The following CNTN1 variants were observed in gnomAD, a reference collection of about 807,000 sequenced individuals.
CNTN1 encodes the protein contactin 1.
CNTN1 carries 38 observed loss-of-function variants against 126.4 expected under a neutral mutation model. That is an observed-to-expected ratio of 0.30 (90% CI 0.23 to 0.39). The LOEUF is 0.39. Among genes scored for constraint, CNTN1 ranks in the 10% least tolerant of loss-of-function variants. The pLI, the probability that CNTN1 is intolerant of heterozygous loss-of-function variation, is 1.00. For missense variants in CNTN1, 1,009 were observed against 1,248.4 expected (o/e 0.81, Z 2.89); for synonymous variants, 413 against 422.6 (o/e 0.98, Z 0.28).
chr12:40,840,508 C>T (rs184003294), intron 1 of CNTN1, among the ~76,000 whole-genome samples: 6 of 152,120 alleles, frequency 3.9e-5, no homozygotes, highest in Admixed American at 3.9e-4. Flanking sequence ...TAGACATTTA[C>T]ACAACATTCT....
rs559332584 is a variant in CNTN1, at chr12:40,700,450, C to T, written c.-77+7858C>T. On this transcript the variant is annotated intron_variant, in intron 1 of 23. Transcript: ENST00000551295. ...CTGAGGGAGGAGAATCATTTGAACCCGGGAGGCAGAGGTTGCAGGGAGCTG... is the reference window on the plus strand; with the variant it reads ...CTGAGGGAGGAGAATCATTTGAACCTGGGAGGCAGAGGTTGCAGGGAGCTG... 4.6e-5 allele frequency among the ~76,000 whole-genome samples: 7 copies of T among 151,982 alleles called. No individual in the cohort carries two copies. The South Asian group carries it at 6.2e-4, about 14-fold the overall frequency.
chr12:41,017,414 T>G (rs998196314), intron 19 of CNTN1, among the ~76,000 whole-genome samples: 36 of 150,632 alleles, frequency 2.4e-4, no homozygotes, highest in African/African-American at 8.0e-4. Flanking sequence ...CTGTAATGTA[T>G]ATATTATATA....
intron 3 of CNTN1, among the ~76,000 whole-genome samples, chr12:40,914,637 CTT>C (rs1047144368): frequency 1.3e-5 from 2 of 152,114 alleles, no homozygotes; most frequent in African/African-American, 4.8e-5. Flanking sequence ...AGGGAAATAT[CTT>C]AACTGCAATA....
intron 4 of CNTN1, 107 bp from the exon 5 acceptor site, chr12:40,922,149 C>T: frequency 1.1e-6 from 1 of 873,280 alleles, no homozygotes; most frequent in East Asian, 2.5e-5. Flanking sequence ...TCTTAATTGT[C>T]TGACTTCACA....
chr12:40,921,060 A>C (rs1014547678), intron 4 of CNTN1, among the ~76,000 whole-genome samples: 4 of 152,194 alleles, frequency 2.6e-5, no homozygotes. Flanking sequence ...CAGGGACAAT[A>C]TTGCCATCAC....
chr12:41,024,520 G>A (rs915014423), intron 20 of CNTN1, among the ~76,000 whole-genome samples: 6 of 151,868 alleles, frequency 4.0e-5, no homozygotes, highest in African/African-American at 1.2e-4. Flanking sequence ...TGAAAAAATC[G>A]ATAACTTTTT....
At chr12:40,956,332 C>G (rs1946880027) in intron 14 of CNTN1, among the ~76,000 whole-genome samples, 1 of 152,008 alleles carries the variant, frequency 6.6e-6, no homozygotes, top group Non-Finnish European at 1.5e-5. Flanking sequence ...TTATAGTCGG[C>G]CAGGGAGAAC....
At chr12:40,988,349 C>G (rs116191123) in intron 16 of CNTN1, among the ~76,000 whole-genome samples, 1 of 152,064 alleles carries the variant, frequency 6.6e-6, no homozygotes, top group Non-Finnish European at 1.5e-5. Context: ...TGCTTGTGTT[C>G]GGATCTTAAA....
At chr12:40,855,171 C>G (rs901090887) in intron 1 of CNTN1, among the ~76,000 whole-genome samples, 4 of 152,070 alleles carry the variant, frequency 2.6e-5, no homozygotes, top group Admixed American at 1.3e-4. Flanking sequence ...TAGTGGTTAC[C>G]AAACTTTGTT....
At chr12:41,035,790 C>G (rs1026686697) in intron 23 of CNTN1, among the ~76,000 whole-genome samples, 1 of 152,022 alleles carries the variant, frequency 6.6e-6, no homozygotes, top group Non-Finnish European at 1.5e-5. Flanking sequence ...GCTGGTGTAA[C>G]TAGTGTGTAG....
rs1943695742 is a variant in CNTN1, at chr12:40,877,173, T to C, written c.-76-31184T>C. On this transcript the variant is annotated intron_variant, in intron 1 of 23. Coordinates refer to ENST00000551295, the MANE Select transcript of CNTN1 (RefSeq NM_001843.4). ...TATTATAGCTAGACTAACATTAAGATTTAAGTATCTAACTCTGGGCTCAGT... is the reference window on the plus strand; with the variant it reads ...TATTATAGCTAGACTAACATTAAGACTTAAGTATCTAACTCTGGGCTCAGT... 2.0e-5 allele frequency among the ~76,000 whole-genome samples: 3 copies of C among 152,172 alleles called. No homozygotes were observed. In the South Asian group the frequency reaches 6.2e-4, roughly 31 times the overall value.
At chr12:40,827,646 C>T (rs896804417) in intron 1 of CNTN1, among the ~76,000 whole-genome samples, 1 of 152,140 alleles carries the variant, frequency 6.6e-6, no homozygotes, top group Non-Finnish European at 1.5e-5. Context: ...AAGAAAGAGT[C>T]CAGTATAAAC....
Position 40,943,977 on chromosome 12 carries a change from A to G in CNTN1, c.1508-18A>G, listed in dbSNP as rs769354721. On this transcript the variant is annotated intron_variant, in intron 13 of 23. Transcript: ENST00000551295. ...CTTATATCTTCTTGAATTGTGCTTT[A>G]CATTTAAAAATATATAGATCCTACG... The G allele has an allele frequency of 3.1e-6, 5 of 1,609,122 alleles. No homozygotes were observed. In the African/African-American group the frequency reaches 6.7e-5, roughly 22 times the overall value.
At chr12:40,812,144 C>T (rs979072898) in intron 1 of CNTN1, among the ~76,000 whole-genome samples, 1 of 151,810 alleles carries the variant, frequency 6.6e-6, no homozygotes, top group Non-Finnish European at 1.5e-5. Context: ...ATTTCTTTGA[C>T]TCATTGGTTA....
intron 9 of CNTN1, 59 bp downstream of exon 9, chr12:40,933,937 C>T: frequency 7.4e-7 from 1 of 1,348,414 alleles, no homozygotes; most frequent in Admixed American, 1.8e-5. Context: ...AGAGCCATTT[C>T]CATACATGAA....
At chr12:40,987,119 G>A (rs995340309) in intron 16 of CNTN1, among the ~76,000 whole-genome samples, 10 of 152,076 alleles carry the variant, frequency 6.6e-5, no homozygotes, top group Admixed American at 5.2e-4. Context: ...TGCATCCTAA[G>A]TGGAAGTGAA....
intron 1 of CNTN1, among the ~76,000 whole-genome samples, chr12:40,862,126 C>T (rs182325985): frequency 6.6e-6 from 1 of 151,800 alleles, no homozygotes; most frequent in East Asian, 1.9e-4. Flanking sequence ...ATCACTTGTG[C>T]CCAGGAGTTT....
chr12:41,005,902 A>G (rs7976489), intron 17 of CNTN1, among the ~76,000 whole-genome samples: 1 of 152,122 alleles, frequency 6.6e-6, no homozygotes, highest in Non-Finnish European at 1.5e-5. Flanking sequence ...CCTGTGGATA[A>G]TCTGAATTCT....
rs374678549 is a variant in CNTN1 at position 40,959,121 on chromosome 12, C to T, written c.1691C>T (p.Ser564Phe). Residue 564 changes from serine to phenylalanine, a missense_variant, in exon 15 of 24, where the codon TCC becomes TTC. Physicochemically the swap from Ser to Phe is radical, Grantham distance 155. Transcript: ENST00000551295. ...TGCTGTTTTTGCTAACAGCTGGATT[C>T]CAATGGGGAATTACTAATCCGAAAT... is the stretch of plus-strand genomic sequence containing the variant. ...IHYQRNFMLD[S>F]NGELLIRNAQ... 6.2e-6 allele frequency: 10 copies of T among 1,612,236 alleles called. No individual in the cohort carries two copies. The highest frequency in any genetic ancestry group is 2.7e-5 in the African/African-American group (2 of 74,822).
Sources: gnomAD v4.1 joint callset for allele counts (sites outside exome capture counted in the v4.1 genomes callset) on GRCh38, gnomAD v4.1.1 for gene constraint, MANE v1.5 for transcripts, NCBI Gene and HGNC (gene_info 2026-07-23, HGNC 2026-07-21) for gene names.